The following KDM4C variants were observed in gnomAD, a reference collection of about 807,000 sequenced individuals.
The protein encoded by KDM4C is lysine-specific demethylase 4C.
Under a neutral mutation model 129.3 loss-of-function variants are expected in KDM4C, and 81 were observed. The ratio of observed to expected loss-of-function variants is 0.63; its 90% CI spans 0.52 to 0.75. The LOEUF (loss-of-function observed/expected upper bound fraction) is 0.75, where lower values mean the gene tolerates loss of function less well. Ranked by LOEUF, KDM4C falls within the 30% of genes least tolerant of loss-of-function variation. The pLI is 0.00. For missense variants in KDM4C, 1,457 were observed against 1,304.0 expected (o/e 1.12, Z -1.81); for synonymous variants, 573 against 456.1 (o/e 1.26, Z -3.26).
At chr9:7,062,596 C>G (rs1486704637) in intron 17 of KDM4C, among the ~76,000 whole-genome samples, 3 of 151,698 alleles carry the variant, frequency 2.0e-5, no homozygotes, top group Non-Finnish European at 2.9e-5. Context: ...CTTGTCTAAG[C>G]TGGTCTCAAA....
At chr9:6,892,388 C>G (rs577849834) in intron 7 of KDM4C, among the ~76,000 whole-genome samples, 1 of 151,808 alleles carries the variant, frequency 6.6e-6, no homozygotes, top group African/African-American at 2.4e-5. Context: ...TTTTGTGTTG[C>G]TTTGGTGATT....
At chr9:7,068,686 CTTTTTTTTTTTTTTTTT>C (rs542039227) in intron 17 of KDM4C, among the ~76,000 whole-genome samples, 1 of 101,766 alleles carries the variant, frequency 9.8e-6, no homozygotes, top group Non-Finnish European at 1.9e-5. Context: ...GATGCCCTTT[CTTTTTTTTTTTTTTTTT>C]TTTTTTTTTT....
At chr9:6,808,690 TAA>T (rs908471656) in intron 3 of KDM4C, among the ~76,000 whole-genome samples, 701 of 63,822 alleles carry the variant, frequency 0.011, 5 homozygotes, top group African/African-American at 0.036. Flanking sequence ...GAATTATCAA[TAA>T]AAAAAAAAAA....
chr9:6,848,958 T>G (rs1403229267), intron 4 of KDM4C, among the ~76,000 whole-genome samples: 1 of 152,134 alleles, frequency 6.6e-6, no homozygotes, highest in Non-Finnish European at 1.5e-5. Context: ...TTCCAATAAT[T>G]AGAGTGGAAC....
Position 7,112,020 on chromosome 9 carries a change from G to A in KDM4C, c.2610+8150G>A, listed in dbSNP as rs534009015. Among the ~76,000 whole-genome samples, 3 of 152,148 alleles carry A rather than the reference G, an allele frequency of 2.0e-5. No individual in the cohort carries two copies. The South Asian group carries it at 6.2e-4, about 32-fold the overall frequency. On this transcript the variant is annotated intron_variant, in intron 18 of 21. Coordinates refer to ENST00000381309, the MANE Select transcript of KDM4C (RefSeq NM_015061.6). ...TACTCAGTTCACCCCTTGGTGGGGT[G>A]CAAACGTGTTACCCAATAGCTGTCT...
At chr9:6,900,337 C>T (rs1817177866) in intron 8 of KDM4C, among the ~76,000 whole-genome samples, 1 of 152,210 alleles carries the variant, frequency 6.6e-6, no homozygotes, top group Admixed American at 6.5e-5. Flanking sequence ...AAATAAGCGC[C>T]AGCCACGTGT....
chr9:7,119,929 C>A (rs867475491), intron 18 of KDM4C, among the ~76,000 whole-genome samples: 2 of 152,144 alleles, frequency 1.3e-5, no homozygotes, highest in African/African-American at 4.8e-5. Flanking sequence ...GTCTCTCTTA[C>A]TAGTATGTGA....
chr9:6,853,142 T>G (rs1156455041), intron 5 of KDM4C, among the ~76,000 whole-genome samples: 1 of 152,106 alleles, frequency 6.6e-6, no homozygotes, highest in Non-Finnish European at 1.5e-5. Flanking sequence ...GAGTGTTAAA[T>G]TATTTTAGAT....
At chr9:7,110,455 C>G (rs1357770537) in intron 18 of KDM4C, among the ~76,000 whole-genome samples, 2 of 152,106 alleles carry the variant, frequency 1.3e-5, no homozygotes, top group East Asian at 3.9e-4. Flanking sequence ...CTTATTAATG[C>G]AATTTCTCCT....
intron 13 of KDM4C, 49 bp from the exon 14 acceptor site, chr9:7,013,739 G>T: frequency 6.4e-7 from 1 of 1,555,246 alleles, no homozygotes; most frequent in Non-Finnish European, 8.8e-7. Context: ...CTAGAATGAT[G>T]AGCTCTTTTC....
At chr9:6,835,437 C>T in intron 4 of KDM4C, 2 of 1,179,206 alleles carry the variant, frequency 1.7e-6, no homozygotes, top group South Asian at 1.2e-5. Context: ...AGATCAAGAT[C>T]ATTGCTCCTC....
At chr9:7,174,470 C>T in intron 21 of KDM4C, 83 bp from the exon 22 acceptor site, 3 of 1,379,774 alleles carry the variant, frequency 2.2e-6, no homozygotes, top group South Asian at 1.3e-5. Context: ...ACCCTAACCC[C>T]AGCTGACCGA....
intron 4 of KDM4C, among the ~76,000 whole-genome samples, chr9:6,815,370 T>C (rs1831895225): frequency 6.6e-6 from 1 of 152,178 alleles, no homozygotes; most frequent in Non-Finnish European, 1.5e-5. Flanking sequence ...TTTTTTAATT[T>C]ATTATTTCTT....
intron 8 of KDM4C, among the ~76,000 whole-genome samples, chr9:6,953,443 A>G (rs1210209609): frequency 1.3e-5 from 2 of 152,254 alleles, no homozygotes; most frequent in African/African-American, 2.4e-5. Flanking sequence ...AATACTTGCA[A>G]TGCAATAATC....
chr9:7,019,778 A>ATATAAAAATATAATATTTTTATG (rs1314428611), intron 15 of KDM4C, among the ~76,000 whole-genome samples: 1 of 136,708 alleles, frequency 7.3e-6, no homozygotes, highest in Non-Finnish European at 1.5e-5. Context: ...ATATTTTTAT[A>ATATAAAAATATAATATTTTTATG]TATAAAAATA....
At chr9:6,843,717 G>A (rs931644495) in intron 4 of KDM4C, among the ~76,000 whole-genome samples, 7 of 152,114 alleles carry the variant, frequency 4.6e-5, no homozygotes, top group African/African-American at 1.2e-4. Flanking sequence ...TCTGATACTC[G>A]GTTACTCTTT....
At chr9:7,044,753 A>G (rs1245976320) in intron 15 of KDM4C, among the ~76,000 whole-genome samples, 1 of 151,850 alleles carries the variant, frequency 6.6e-6, no homozygotes, top group Non-Finnish European at 1.5e-5. Flanking sequence ...GCCTATAGAG[A>G]GTGATCGGAA....
At chr9:7,036,436 A>G (rs1587119185) in intron 15 of KDM4C, among the ~76,000 whole-genome samples, 1 of 152,170 alleles carries the variant, frequency 6.6e-6, no homozygotes, top group African/African-American at 2.4e-5. Context: ...CCAGTCTTAC[A>G]TGTTTCTTGC....
At chr9:7,106,763 G>C (rs887083224) in intron 18 of KDM4C, among the ~76,000 whole-genome samples, 11 of 151,942 alleles carry the variant, frequency 7.2e-5, no homozygotes, top group Non-Finnish European at 4.4e-5. Context: ...CCAAAGTGCC[G>C]GAGTTGTAGG....
Sources: gnomAD v4.1 joint callset for allele counts (sites outside exome capture counted in the v4.1 genomes callset) on GRCh38, gnomAD v4.1.1 for gene constraint, MANE v1.5 for transcripts, NCBI Gene and HGNC (gene_info 2026-07-23, HGNC 2026-07-21) for gene names.